ADGRV1: variants seen among roughly 807,000 people sequenced by gnomAD.
ADGRV1 encodes the protein adhesion G protein-coupled receptor V1.
Under a neutral mutation model 596.2 loss-of-function variants are expected in ADGRV1, and 359 were observed. That is an observed-to-expected ratio of 0.60 (90% CI 0.55 to 0.66). The LOEUF (loss-of-function observed/expected upper bound fraction) is 0.66, where lower values mean the gene tolerates loss of function less well. Among genes scored for constraint, ADGRV1 ranks in the 30% least tolerant of loss-of-function variants. The probability of loss-of-function intolerance (pLI) is 0.00; values close to 1 mark genes in which losing one functional copy is unlikely to be tolerated. For synonymous variants in ADGRV1, 2,681 were observed against 2,679.2 expected (o/e 1.00, Z -0.02); for missense variants, 7,274 against 7,575.6 (o/e 0.96, Z 1.48).
chr5:90,658,240 A>G lies in ADGRV1; in HGVS notation c.4714A>G (p.Asn1572Asp), dbSNP rs370432538. 29 of 1,538,680 alleles carry G rather than the reference A, an allele frequency of 1.9e-5. No individual in the cohort carries two copies. The highest frequency in any genetic ancestry group is 2.3e-5 in the Non-Finnish European group (26 of 1,143,052). ...AACAATACAAAAAAGTGACAATGCA[A>G]ATGGCTTGTTTGGTTTCACAGGAGC... The part of the protein sequence containing the change: ...RLTIQKSDNA[N>D]GLFGFTGACI... The change falls in exon 21 of 90, where the codon AAT (asparagine) becomes GAT (aspartate). Residue 1572 changes from asparagine (N) to aspartate (D), a missense_variant. Physicochemically the swap from Asn to Asp is conservative, Grantham distance 23 (BLOSUM62 1). Transcript: ENST00000405460.
At chr5:90,900,964 ATCCCATTTTTG>A (rs1771783175) in intron 83 of ADGRV1, among the ~76,000 whole-genome samples, 1 of 152,088 alleles carries the variant, frequency 6.6e-6, no homozygotes, top group African/African-American at 2.4e-5. Context: ...CCCCTGACTA[ATCCCATTTTTG>A]TCCTGTAGAA....
chr5:91,039,749 A>T (rs1051384735), intron 85 of ADGRV1, among the ~76,000 whole-genome samples: 1 of 152,210 alleles, frequency 6.6e-6, no homozygotes, highest in Non-Finnish European at 1.5e-5. Flanking sequence ...ATATAAGATG[A>T]AGGAAAGATA....
At chr5:91,096,149 C>G (rs1790843202) in intron 86 of ADGRV1, among the ~76,000 whole-genome samples, 1 of 152,122 alleles carries the variant, frequency 6.6e-6, no homozygotes, top group African/African-American at 2.4e-5. Flanking sequence ...TTGTTAGTAT[C>G]AGAAGGTCAG....
At chr5:90,964,119 A>T (rs545579818) in intron 83 of ADGRV1, among the ~76,000 whole-genome samples, 1 of 152,162 alleles carries the variant, frequency 6.6e-6, no homozygotes, top group Admixed American at 6.5e-5. Context: ...GTTGAGGGAC[A>T]TGTCCTTGGT....
chr5:90,766,155 C>T (rs1014758125), intron 59 of ADGRV1, among the ~76,000 whole-genome samples: 9 of 152,082 alleles, frequency 5.9e-5, no homozygotes, highest in East Asian at 1.9e-4. Context: ...ATGATCCGCC[C>T]GCCTTGGCCT....
At chr5:90,992,358 C>T (rs866756295) in intron 85 of ADGRV1, among the ~76,000 whole-genome samples, 1 of 152,162 alleles carries the variant, frequency 6.6e-6, no homozygotes, top group Non-Finnish European at 1.5e-5. Flanking sequence ...ACATTATTAT[C>T]ACTCCAAACC....
chr5:90,860,020 G>A (rs1052348928), intron 82 of ADGRV1, among the ~76,000 whole-genome samples: 1 of 151,878 alleles, frequency 6.6e-6, no homozygotes, highest in Non-Finnish European at 1.5e-5. Context: ...GAGCTCAGGA[G>A]TTCAAGGCTG....
chr5:91,064,047 A>G (rs1035643846), intron 85 of ADGRV1, among the ~76,000 whole-genome samples: 2 of 152,154 alleles, frequency 1.3e-5, no homozygotes, highest in Admixed American at 6.5e-5. Context: ...TGATATTTAA[A>G]TGTTGATTGG....
intron 85 of ADGRV1, among the ~76,000 whole-genome samples, chr5:91,018,734 C>T (rs1308477044): frequency 6.6e-6 from 1 of 151,912 alleles, no homozygotes; most frequent in African/African-American, 2.4e-5. Context: ...AAATAAATAT[C>T]CCTATATTTG....
At chr5:90,961,487 CAAAAA>C (rs34654014) in intron 83 of ADGRV1, among the ~76,000 whole-genome samples, 2,816 of 45,188 alleles carry the variant, frequency 0.062, 90 homozygotes, top group East Asian at 0.14. Flanking sequence ...GACTCCGTCT[CAAAAA>C]AAAAAAAAAA....
At chr5:91,081,582 G>A (rs889990150) in intron 86 of ADGRV1, among the ~76,000 whole-genome samples, 18 of 152,034 alleles carry the variant, frequency 1.2e-4, no homozygotes, top group African/African-American at 4.3e-4. Flanking sequence ...TCAGGAGTTC[G>A]AGACCAGCCT....
intron 85 of ADGRV1, among the ~76,000 whole-genome samples, chr5:91,044,415 G>A (rs1248747156): frequency 1.3e-5 from 2 of 152,076 alleles, no homozygotes; most frequent in African/African-American, 4.8e-5. Flanking sequence ...TTCTATCACT[G>A]GTCAAGAAAA....
chr5:90,889,184 T>C (rs1770573273), intron 83 of ADGRV1, among the ~76,000 whole-genome samples: 2 of 152,212 alleles, frequency 1.3e-5, no homozygotes, highest in South Asian at 4.1e-4. Context: ...CCATTAAGTA[T>C]TCTTGAAAAC....
At chr5:91,098,386 C>T (rs887608569) in intron 86 of ADGRV1, among the ~76,000 whole-genome samples, 6 of 152,038 alleles carry the variant, frequency 3.9e-5, no homozygotes, top group African/African-American at 1.4e-4. Context: ...ATAAAGCTAA[C>T]GTAGCTTAAG....
intron 85 of ADGRV1, chr5:91,031,386 C>T: frequency 1.8e-6 from 2 of 1,092,364 alleles, no homozygotes; most frequent in South Asian, 2.6e-5. Flanking sequence ...ATTCTGCATG[C>T]TCTGTGCCAT....
At chr5:90,922,958 A>G (rs917633158) in intron 83 of ADGRV1, among the ~76,000 whole-genome samples, 2 of 152,204 alleles carry the variant, frequency 1.3e-5, no homozygotes, top group Non-Finnish European at 2.9e-5. Flanking sequence ...TATCTGCTAC[A>G]TAGTGGCTCC....
intron 83 of ADGRV1, among the ~76,000 whole-genome samples, chr5:90,926,943 TGTGA>T (rs1394740423): frequency 6.6e-6 from 1 of 152,028 alleles, no homozygotes; most frequent in Non-Finnish European, 1.5e-5. Context: ...GTTGAGCGGT[TGTGA>T]GTGAGATTCC....
At chr5:90,887,571 A>C (rs1268651626) in intron 83 of ADGRV1, among the ~76,000 whole-genome samples, 1 of 152,192 alleles carries the variant, frequency 6.6e-6, no homozygotes, top group Non-Finnish European at 1.5e-5. Context: ...TAAGCACTGA[A>C]TGCATATTTG....
intron 87 of ADGRV1, among the ~76,000 whole-genome samples, chr5:91,122,292 A>G (rs1793387756): frequency 6.6e-6 from 1 of 152,230 alleles, no homozygotes; most frequent in Non-Finnish European, 1.5e-5. Flanking sequence ...GTTCTTGAAC[A>G]AGAATATAGC....
Sources: gnomAD v4.1 joint callset for allele counts (sites outside exome capture counted in the v4.1 genomes callset) on GRCh38, gnomAD v4.1.1 for gene constraint, MANE v1.5 for transcripts, NCBI Gene and HGNC (gene_info 2026-07-23, HGNC 2026-07-21) for gene names.